The following CALN1 variants were observed in gnomAD, a reference collection of about 807,000 sequenced individuals.
The protein encoded by CALN1 is calcium-binding protein 8.
CALN1 carries 17 observed loss-of-function variants against 30.6 expected under a neutral mutation model. The observed-to-expected ratio is 0.56, with a 90% CI of 0.38 to 0.83. The LOEUF (loss-of-function observed/expected upper bound fraction) is 0.83, where lower values mean the gene tolerates loss of function less well. Among genes scored for constraint, CALN1 ranks in the 40% least tolerant of loss-of-function variants. The pLI is 0.00. For missense variants in CALN1, 291 were observed against 354.9 expected (o/e 0.82, Z 1.45); for synonymous variants, 156 against 131.4 (o/e 1.19, Z -1.28).
intron 5 of CALN1, among the ~76,000 whole-genome samples, chr7:71,984,255 T>C (rs1798550058): frequency 1.3e-5 from 2 of 152,096 alleles, no homozygotes; most frequent in Admixed American, 6.6e-5. Context: ...TTGGGAGCCT[T>C]TGACCATTTA....
intron 3 of CALN1, among the ~76,000 whole-genome samples, chr7:72,264,781 G>T (rs1456710688): frequency 2.6e-5 from 4 of 152,090 alleles, no homozygotes; most frequent in Non-Finnish European, 5.9e-5. Flanking sequence ...TCGTCACCCA[G>T]GTATTAATCC....
At chr7:72,321,299 T>C (rs960218474) in intron 2 of CALN1, among the ~76,000 whole-genome samples, 3 of 152,092 alleles carry the variant, frequency 2.0e-5, no homozygotes, top group Non-Finnish European at 4.4e-5. Context: ...GTGACTTGGG[T>C]TGAGAAAGCA....
At chr7:72,125,796 A>G (rs1456910300) in intron 3 of CALN1, among the ~76,000 whole-genome samples, 1 of 93,226 alleles carries the variant, frequency 1.1e-5, no homozygotes, top group Non-Finnish European at 2.2e-5. Context: ...CCACTGTATC[A>G]TTCTTTTTTT....
intron 2 of CALN1, among the ~76,000 whole-genome samples, chr7:72,326,567 G>A (rs1174355780): frequency 2.6e-5 from 4 of 152,228 alleles, no homozygotes; most frequent in African/African-American, 7.2e-5. Context: ...GCTGGAGGCT[G>A]AGACGCCACA....
chr7:72,312,231 C>T (rs1196338443), intron 2 of CALN1, among the ~76,000 whole-genome samples: 1 of 151,972 alleles, frequency 6.6e-6, no homozygotes, highest in Non-Finnish European at 1.5e-5. Context: ...TGGTGAAACC[C>T]TGTCTCTACT....
chr7:72,083,749 T>C (rs1367287480), intron 4 of CALN1, among the ~76,000 whole-genome samples: 1 of 151,996 alleles, frequency 6.6e-6, no homozygotes, highest in Non-Finnish European at 1.5e-5. Context: ...TGAAACCCCC[T>C]CTCTACTAAA....
In CALN1 at chr7:71,833,615, A is replaced by G. The variant is rs186589900; in HGVS notation, c.502-23123T>C. ...AAGACCAAATAGAGGATGAAGAATC[A>G]GAAGACCAGGCGAGGCACAGTGATG... On this transcript the variant is annotated intron_variant, in intron 5 of 6. Coordinates refer to ENST00000395275, the MANE Select transcript of CALN1 (RefSeq NM_031468.4). Among the ~76,000 whole-genome samples the G allele has an allele frequency of 9.0e-4, 136 of 151,310 alleles. No homozygotes were observed. In the Middle Eastern group the frequency reaches 0.01, roughly 12 times the overall value.
chr7:72,197,436 G>A (rs537186457), intron 3 of CALN1, among the ~76,000 whole-genome samples: 6 of 151,978 alleles, frequency 3.9e-5, no homozygotes, highest in Admixed American at 3.3e-4. Flanking sequence ...TCCTGACCTC[G>A]TGATCCATCT....
chr7:72,393,518 G>A (rs867870451), intron 2 of CALN1, among the ~76,000 whole-genome samples: 54 of 152,250 alleles, frequency 3.5e-4, no homozygotes, highest in African/African-American at 1.3e-3. Flanking sequence ...TATGAAGTAT[G>A]TTTTTAACAG....
chr7:72,449,645 G>A (rs1338498512), upstream of CALN1, among the ~76,000 whole-genome samples: 1 of 152,064 alleles, frequency 6.6e-6, no homozygotes, highest in Non-Finnish European at 1.5e-5. Flanking sequence ...GGCCAAGGTG[G>A]GAGGATCACG....
chr7:72,411,117 G>A (rs771537490), intron 1 of CALN1, among the ~76,000 whole-genome samples: 5 of 151,978 alleles, frequency 3.3e-5, no homozygotes, highest in African/African-American at 4.8e-5. Flanking sequence ...TATGAGCAGA[G>A]CCTATTTATA....
At chr7:72,276,850 A>T (rs1447455240) in intron 3 of CALN1, among the ~76,000 whole-genome samples, 3 of 152,194 alleles carry the variant, frequency 2.0e-5, no homozygotes, top group African/African-American at 7.2e-5. Context: ...CTATGTTGTT[A>T]TAGCAACACA....
chr7:72,006,535 C>T (rs568575402), intron 5 of CALN1, among the ~76,000 whole-genome samples: 2 of 151,912 alleles, frequency 1.3e-5, no homozygotes, highest in Admixed American at 6.6e-5. Flanking sequence ...ATAATTCTGA[C>T]ACGATGATTT....
chr7:71,964,944 A>G (rs976426146), intron 5 of CALN1, among the ~76,000 whole-genome samples: 1 of 152,206 alleles, frequency 6.6e-6, no homozygotes, highest in African/African-American at 2.4e-5. Flanking sequence ...AGCACCTTAA[A>G]AACACTGCCA....
At chr7:72,146,619 T>C (rs2129543818) in intron 3 of CALN1, among the ~76,000 whole-genome samples, 1 of 152,306 alleles carries the variant, frequency 6.6e-6, no homozygotes, top group Non-Finnish European at 1.5e-5. Flanking sequence ...AAAAAACTAC[T>C]TTAAAGTTCA....
chr7:72,163,687 G>T (rs950386645), intron 3 of CALN1, among the ~76,000 whole-genome samples: 1 of 152,092 alleles, frequency 6.6e-6, no homozygotes, highest in African/African-American at 2.4e-5. Context: ...AGAGATGGCA[G>T]AAGAATCAAC....
In CALN1 at chr7:72,392,773, T is replaced by A. The variant is rs565363652; in HGVS notation, c.119+10478A>T. On this transcript the variant is annotated intron_variant, in intron 2 of 6. Transcript: ENST00000395275. The stretch of plus-strand genomic sequence containing the variant: ...GGAGGATTGCTGGAGGCCAGAAGAA[T>A]TCAAGACCAGCCTGGGCAACATAGC... 1.3e-3 allele frequency among the ~76,000 whole-genome samples: 196 copies of A among 152,020 alleles called. 3 individuals are homozygous for A. The highest frequency in any genetic ancestry group is 4.3e-3 in the African/African-American group (179 of 41,432).
intron 5 of CALN1, among the ~76,000 whole-genome samples, chr7:71,932,907 C>T (rs1301218138): frequency 1.3e-5 from 2 of 151,756 alleles, no homozygotes; most frequent in African/African-American, 2.4e-5. Context: ...TTCATAATCA[C>T]TACTTTTGAC....
At chr7:72,270,606 TA>T (rs1011737152) in intron 3 of CALN1, among the ~76,000 whole-genome samples, 89 of 151,834 alleles carry the variant, frequency 5.9e-4, no homozygotes, top group African/African-American at 1.5e-3. Context: ...ACCCCATCTC[TA>T]AAAAAAATTT....
Sources: allele counts gnomAD v4.1 joint callset (sites outside exome capture counted in the v4.1 genomes callset), GRCh38; gene constraint gnomAD v4.1.1; transcripts MANE v1.5; gene names NCBI Gene and HGNC (gene_info 2026-07-23, HGNC 2026-07-21).